Variants in SYT9 observed in about 807,000 individuals in gnomAD.
The protein encoded by SYT9 is synaptotagmin-9.
SYT9 carries 22 observed loss-of-function variants against 48.4 expected under a neutral mutation model. That is an observed-to-expected ratio of 0.45 (90% confidence interval 0.32 to 0.65). The LOEUF is 0.65. SYT9 is among the 30% of genes least tolerant of loss of function. The pLI is 0.03. For synonymous variants in SYT9, 265 were observed against 245.0 expected, an observed-to-expected ratio of 1.08 and a Z score of -0.76; for missense variants, 577 against 622.0, an observed-to-expected ratio of 0.93 and a Z score of 0.77.
chr11:7,336,612 CTTG>C (rs1849635209), intron 3 of SYT9, among the ~76,000 whole-genome samples: 2 of 152,088 alleles, frequency 1.3e-5, no homozygotes, highest in Admixed American at 1.3e-4. Flanking sequence ...TTCCCCATTG[CTTG>C]TTTTTTCTCA....
intron 3 of SYT9, among the ~76,000 whole-genome samples, chr11:7,344,131 T>A (rs1393096613): frequency 6.6e-6 from 1 of 152,220 alleles, no homozygotes; most frequent in Non-Finnish European, 1.5e-5. Flanking sequence ...CTTTCCATTG[T>A]GAACACTTCC....
intron 6 of SYT9, among the ~76,000 whole-genome samples, chr11:7,425,824 G>A (rs1278199410): frequency 6.6e-6 from 1 of 152,146 alleles, no homozygotes; most frequent in Non-Finnish European, 1.5e-5. Flanking sequence ...GCTACATGCT[G>A]CTGCAATATC....
intron 3 of SYT9, among the ~76,000 whole-genome samples, chr11:7,397,183 A>C (rs2134069085): frequency 6.6e-6 from 1 of 152,288 alleles, no homozygotes; most frequent in South Asian, 2.1e-4. Context: ...ATACAAAGTG[A>C]ACAAAACATC....
chr11:7,325,107 G>A (rs557575469), intron 3 of SYT9, among the ~76,000 whole-genome samples: 6 of 152,082 alleles, frequency 3.9e-5, no homozygotes, highest in Non-Finnish European at 5.9e-5. Context: ...GTGTTCTTTG[G>A]CATTTATAAA....
At chr11:7,364,752 G>A (rs1209304289) in intron 3 of SYT9, among the ~76,000 whole-genome samples, 1 of 152,154 alleles carries the variant, frequency 6.6e-6, no homozygotes, top group East Asian at 1.9e-4. Context: ...TAACCTGCCT[G>A]AGCAGAATTA....
At chr11:7,250,788 G>A (rs146949331), upstream of SYT9, among the ~76,000 whole-genome samples, 17 of 152,184 alleles carry the variant, frequency 1.1e-4, no homozygotes, top group South Asian at 2.1e-3. Flanking sequence ...TGATATGTCC[G>A]TAGAGACGGC....
intron 3 of SYT9, among the ~76,000 whole-genome samples, chr11:7,358,837 C>T (rs1850071385): frequency 1.3e-5 from 2 of 151,960 alleles, no homozygotes; most frequent in Admixed American, 6.6e-5. Flanking sequence ...ATTTTCCCTG[C>T]TTCTAATTTC....
intron 3 of SYT9, among the ~76,000 whole-genome samples, chr11:7,388,262 A>T (rs1274235828): frequency 6.6e-6 from 1 of 152,134 alleles, no homozygotes; most frequent in Non-Finnish European, 1.5e-5. Flanking sequence ...ATTTAATCCA[A>T]ATTTTAAAAT....
At chr11:7,336,778 G>C (rs1165332899) in intron 3 of SYT9, among the ~76,000 whole-genome samples, 1 of 151,568 alleles carries the variant, frequency 6.6e-6, no homozygotes, top group Non-Finnish European at 1.5e-5. Flanking sequence ...TGAGGTTGGG[G>C]AATGTGATAC....
chr11:7,463,499 G>T (rs1164586343), intron 6 of SYT9, among the ~76,000 whole-genome samples: 1 of 152,104 alleles, frequency 6.6e-6, no homozygotes, highest in Non-Finnish European at 1.5e-5. Context: ...AAAGGGGGCT[G>T]AACAACAACA....
At chr11:7,371,496 GA>G (rs201730864) in intron 3 of SYT9, among the ~76,000 whole-genome samples, 9,362 of 147,074 alleles carry the variant, frequency 0.064, 350 homozygotes, top group Middle Eastern at 0.12. Flanking sequence ...CTTATATATA[GA>G]AAAAAAGCTG....
chr11:7,432,577 AAAAAAATATATATACATATATAT>A (rs1847614950), intron 6 of SYT9, among the ~76,000 whole-genome samples: 48 of 9,166 alleles, frequency 5.2e-3, no homozygotes, highest in South Asian at 0.012. Context: ...AAAAAAAAAA[AAAAAAATATATATACATATATAT>A]ATATATATAT....
rs1229126989 is a variant in SYT9 at position 7,303,150 on chromosome 11, G to T, written c.257G>T (p.Gly86Val). The T allele has an allele frequency of 1.2e-6, 2 of 1,614,062 alleles. No individual in the cohort carries two copies. The highest frequency in any genetic ancestry group is 2.7e-5 in the African/African-American group (2 of 74,908). ...TGCTGGGTTCCGTGGCGAGAACGAG[G>T]CCTGCCCTCTGGTAGCAAAGACAAC... ...KLCWVPWRERGLPSGSKDNNQ... is the reference protein window; with the variant it reads ...KLCWVPWRERVLPSGSKDNNQ... Residue 86 changes from glycine (G) to valine (V), a missense_variant, in exon 2 of 7, where the codon GGC (glycine) becomes GTC (valine). By Grantham distance (109) the Gly-to-Val change is moderately radical. Coordinates refer to ENST00000318881, the MANE Select transcript of SYT9 (RefSeq NM_175733.4).
At chr11:7,457,711 G>A (rs1421712851) in intron 6 of SYT9, 1 of 152,196 alleles carries the variant, frequency 6.6e-6, no homozygotes, top group African/African-American at 2.4e-5. Context: ...CAGTGGCAGT[G>A]AAGGTCCCAG....
At chr11:7,427,800 C>T (rs959798376) in intron 6 of SYT9, 1 of 152,142 alleles carries the variant, frequency 6.6e-6, no homozygotes, top group Non-Finnish European at 1.5e-5. Flanking sequence ...CCTGCAGGGC[C>T]GCTGAAGCAA....
intron 4 of SYT9, among the ~76,000 whole-genome samples, chr11:7,416,655 T>C (rs1022075207): frequency 6.6e-6 from 1 of 152,194 alleles, no homozygotes; most frequent in African/African-American, 2.4e-5. Flanking sequence ...CTAGAGATGA[T>C]TTAAAGTATA....
chr11:7,346,747 T>C (rs988154937), intron 3 of SYT9, among the ~76,000 whole-genome samples: 5 of 152,350 alleles, frequency 3.3e-5, no homozygotes, highest in African/African-American at 1.2e-4. Flanking sequence ...ATGTAATCTG[T>C]CTGCTCAATA....
At chr11:7,451,315 G>A (rs951998901) in intron 6 of SYT9, among the ~76,000 whole-genome samples, 2 of 152,112 alleles carry the variant, frequency 1.3e-5, no homozygotes, top group African/African-American at 4.8e-5. Context: ...TGTTCTGTGT[G>A]GTTTTCCCAC....
At chr11:7,425,955 T>G (rs1847449142) in intron 6 of SYT9, among the ~76,000 whole-genome samples, 1 of 152,124 alleles carries the variant, frequency 6.6e-6, no homozygotes, top group Non-Finnish European at 1.5e-5. Context: ...AACATTTAAA[T>G]CACATTAAAA....
Sources: allele counts gnomAD v4.1 joint callset (sites outside exome capture counted in the v4.1 genomes callset), GRCh38; gene constraint gnomAD v4.1.1; transcripts MANE v1.5; gene names NCBI Gene and HGNC (gene_info 2026-07-23, HGNC 2026-07-21).